ZDHHC17: variants seen among roughly 807,000 people sequenced by gnomAD.
ZDHHC17 encodes palmitoyltransferase ZDHHC17.
Under a neutral mutation model 90.3 loss-of-function variants are expected in ZDHHC17, and 40 were observed. That is an observed-to-expected ratio of 0.44 (90% CI 0.34 to 0.58). The LOEUF (loss-of-function observed/expected upper bound fraction) is 0.58, where lower values mean the gene tolerates loss of function less well. Ranked by LOEUF, ZDHHC17 falls within the 20% of genes least tolerant of loss-of-function variation. The pLI, the probability that ZDHHC17 is intolerant of heterozygous loss-of-function variation, is 0.01. For synonymous variants in ZDHHC17, 235 were observed against 252.4 expected (o/e 0.93, Z 0.65); for missense variants, 614 against 780.8 (o/e 0.79, Z 2.55).
At chr12:76,833,541 C>T (rs2137793363) in intron 10 of ZDHHC17, among the ~76,000 whole-genome samples, 1 of 152,310 alleles carries the variant, frequency 6.6e-6, no homozygotes, top group Admixed American at 6.5e-5. Flanking sequence ...GCCTGTAATC[C>T]CAGCACTTTG....
At chr12:76,795,083 G>T (rs1952802792) in intron 1 of ZDHHC17, among the ~76,000 whole-genome samples, 1 of 152,056 alleles carries the variant, frequency 6.6e-6, no homozygotes, top group African/African-American at 2.4e-5. Context: ...TGGATTGGAA[G>T]TCCTTCAGGA....
At chr12:76,798,443 G>A (rs1952849006) in intron 2 of ZDHHC17, among the ~76,000 whole-genome samples, 1 of 152,024 alleles carries the variant, frequency 6.6e-6, no homozygotes, top group South Asian at 2.1e-4. Context: ...AGATGTGGAA[G>A]TTCATGCCTG....
intron 1 of ZDHHC17, among the ~76,000 whole-genome samples, chr12:76,797,118 G>T (rs963581290): frequency 5.3e-5 from 8 of 151,968 alleles, no homozygotes; most frequent in Non-Finnish European, 1.0e-4. Context: ...CAAAAAATTA[G>T]CTGGGCATGG....
chr12:76,780,077 G>C (rs1952604969), intron 1 of ZDHHC17, among the ~76,000 whole-genome samples: 1 of 152,100 alleles, frequency 6.6e-6, no homozygotes, highest in Non-Finnish European at 1.5e-5. Context: ...GAGTTTAGTA[G>C]TTTGCTTCTT....
intron 10 of ZDHHC17, among the ~76,000 whole-genome samples, chr12:76,837,126 A>G (rs987893766): frequency 2.0e-5 from 3 of 152,114 alleles, no homozygotes. Context: ...CAACACATTT[A>G]AAATGATTCA....
At chr12:76,832,056 A>G (rs1725778985) in intron 10 of ZDHHC17, among the ~76,000 whole-genome samples, 1 of 152,236 alleles carries the variant, frequency 6.6e-6, no homozygotes, top group Non-Finnish European at 1.5e-5. Context: ...ACTTCATGTT[A>G]TAGAAGAGCT....
intron 1 of ZDHHC17, among the ~76,000 whole-genome samples, chr12:76,791,082 G>GTAC (rs1952754375): frequency 6.6e-6 from 1 of 152,070 alleles, no homozygotes; most frequent in Non-Finnish European, 1.5e-5. Flanking sequence ...CCATAAATAT[G>GTAC]TACAATTATT....
chr12:76,800,338 C>G (rs1952870711), intron 2 of ZDHHC17, among the ~76,000 whole-genome samples: 1 of 152,198 alleles, frequency 6.6e-6, no homozygotes, highest in African/African-American at 2.4e-5. Flanking sequence ...GTTCAATTCA[C>G]TTTTAAAAAT....
chr12:76,824,986 A>G (rs1953213138), intron 8 of ZDHHC17, among the ~76,000 whole-genome samples: 1 of 151,170 alleles, frequency 6.6e-6, no homozygotes. Context: ...TTAGACAGGC[A>G]TATTTACGGT....
intron 3 of ZDHHC17, among the ~76,000 whole-genome samples, chr12:76,806,669 C>G (rs1952957438): frequency 6.6e-6 from 1 of 152,190 alleles, no homozygotes; most frequent in African/African-American, 2.4e-5. Flanking sequence ...GCCACTGTGC[C>G]TGGCCCGAAT....
At chr12:76,776,042 T>G (rs1035474851) in intron 1 of ZDHHC17, among the ~76,000 whole-genome samples, 8 of 148,742 alleles carry the variant, frequency 5.4e-5, no homozygotes, top group South Asian at 2.1e-4. Context: ...CCCATTAAAC[T>G]TTTTTTCCTT....
Position 76,805,439 on chromosome 12 carries a change from A to G in ZDHHC17, c.320A>G (p.Lys107Arg). 1 of 1,561,066 alleles carries G rather than the reference A, an allele frequency of 6.4e-7. No individual in the cohort carries two copies. Among genetic ancestry groups the G allele is most frequent in the African/African-American group, 1.4e-5 (1 of 73,172 alleles). ...AAINNRIDLV[K>R]YYISKGAIVD... ...ATCAATAACAGAATAGATTTAGTCA[A>G]GTATGTATTTTCTCTATTTTTAATT... Residue 107 changes from lysine to arginine, a missense_variant and splice_region_variant, in exon 3 of 17, where the codon AAA becomes AGA. Around this residue, in one of 5 missense-constraint regions of ZDHHC17, gnomAD observed 358 missense variants for 380.4 expected, o/e 0.94. Transcript: ENST00000426126.
chr12:76,786,201 C>T (rs1038332693), intron 1 of ZDHHC17, among the ~76,000 whole-genome samples: 9 of 151,476 alleles, frequency 5.9e-5, no homozygotes, highest in African/African-American at 2.2e-4. Context: ...ACTGTAGGCT[C>T]AAGTGATCCT....
chr12:76,770,055 G>T (rs968552004), intron 1 of ZDHHC17, among the ~76,000 whole-genome samples: 2 of 152,134 alleles, frequency 1.3e-5, no homozygotes, highest in Admixed American at 6.5e-5. Context: ...TTGCAATCCT[G>T]GGCACGTTAT....
rs1592477163 is a variant in ZDHHC17, at chr12:76,805,389, T to C, written c.270T>C (p.Asn90=). The change falls in exon 3 of 17, where the codon AAT becomes AAC. Residue 90 remains asparagine, a synonymous_variant. Transcript: ENST00000426126. ...ATGTACGGCAACCGGACAAAGAAAA[T>C]GTTACCCTCCTCCATTGGGCTGCCA... ...GYDVRQPDKE[N]VTLLHWAAIN... is the part of the protein sequence containing the mutation. 1 of 1,601,866 alleles carries C rather than the reference T, an allele frequency of 6.2e-7. No homozygotes were observed. Among genetic ancestry groups the C allele is most frequent in the Non-Finnish European group, 8.5e-7 (1 of 1,172,964 alleles).
chr12:76,823,987 T>C (rs1320319377), intron 8 of ZDHHC17, among the ~76,000 whole-genome samples: 2 of 152,134 alleles, frequency 1.3e-5, no homozygotes, highest in Admixed American at 6.6e-5. Flanking sequence ...TTATGATAAT[T>C]AGGCTAGTAA....
intron 15 of ZDHHC17, among the ~76,000 whole-genome samples, chr12:76,849,114 T>A: frequency 9.3e-6 from 1 of 107,096 alleles, no homozygotes; most frequent in Non-Finnish European, 1.9e-5. Context: ...TTAAACCCTA[T>A]CTCTAAAAAA....
At chr12:76,834,308 T>G (rs929988414) in intron 10 of ZDHHC17, among the ~76,000 whole-genome samples, 1 of 151,478 alleles carries the variant, frequency 6.6e-6, no homozygotes, top group Non-Finnish European at 1.5e-5. Flanking sequence ...GACAACACTT[T>G]TGAAATATTG....
chr12:76,817,078 A>T (rs952299569), intron 7 of ZDHHC17, among the ~76,000 whole-genome samples: 1 of 152,114 alleles, frequency 6.6e-6, no homozygotes, highest in East Asian at 1.9e-4. Flanking sequence ...ATGAAGATTT[A>T]TGTAGTCTTG....
Sources: gnomAD v4.1 joint callset for allele counts (sites outside exome capture counted in the v4.1 genomes callset) on GRCh38, gnomAD v4.1.1 for gene constraint, gnomAD v4.1.1 regional missense constraint, MANE v1.5 for transcripts, NCBI Gene and HGNC (gene_info 2026-07-23, HGNC 2026-07-21) for gene names.